Variants in RARB observed in about 807,000 individuals in gnomAD.
The protein encoded by RARB is HBV-activated protein.
RARB carries 17 observed loss-of-function variants against 51.9 expected under a neutral mutation model. That is an observed-to-expected ratio of 0.33 (90% CI 0.22 to 0.49). RARB has a LOEUF of 0.49. Ranked by LOEUF, RARB falls within the 20% of genes least tolerant of loss-of-function variation. The pLI is 0.99. For synonymous variants in RARB, 215 were observed against 195.4 expected, an observed-to-expected ratio of 1.10 and a Z score of -0.84; for missense variants, 369 against 550.8, an observed-to-expected ratio of 0.67 and a Z score of 3.30.
chr3:25,303,538 A>C (rs1654191774), intron 5 of RARB, among the ~76,000 whole-genome samples: 1 of 152,200 alleles, frequency 6.6e-6, no homozygotes, highest in East Asian at 1.9e-4. Flanking sequence ...ACGTTAGCTG[A>C]ATGTCTCTCT....
At chr3:25,448,353 T>G (rs1709042137) in intron 1 of RARB, among the ~76,000 whole-genome samples, 2 of 152,332 alleles carry the variant, frequency 1.3e-5, no homozygotes, top group South Asian at 2.1e-4. Context: ...TAAAGCACTT[T>G]GAAACTCTTA....
chr3:25,131,464 A>G (rs1417926834), intron 3 of RARB, among the ~76,000 whole-genome samples: 1 of 152,014 alleles, frequency 6.6e-6, no homozygotes, highest in Admixed American at 6.6e-5. Flanking sequence ...ATTGTTTGTG[A>G]AATGCCTTTT....
intron 3 of RARB, among the ~76,000 whole-genome samples, chr3:25,524,944 G>T (rs911140681): frequency 1.3e-5 from 2 of 151,958 alleles, no homozygotes; most frequent in African/African-American, 4.8e-5. Flanking sequence ...GGCCCGACTG[G>T]TCTCAAACTC....
chr3:24,870,788 G>A (rs1045072434), intron 2 of RARB, among the ~76,000 whole-genome samples: 6 of 151,972 alleles, frequency 3.9e-5, no homozygotes, highest in Non-Finnish European at 7.4e-5. Context: ...TATAGGATGC[G>A]TGCAATGTTT....
chr3:25,046,018 C>T (rs1231728621), intron 2 of RARB, among the ~76,000 whole-genome samples: 4 of 152,162 alleles, frequency 2.6e-5, no homozygotes, highest in Admixed American at 2.6e-4. Flanking sequence ...ATCTGTCATA[C>T]CCAGGGCATA....
intron 5 of RARB, among the ~76,000 whole-genome samples, chr3:25,316,521 G>T (rs1704429453): frequency 1.3e-5 from 2 of 152,076 alleles, no homozygotes; most frequent in African/African-American, 4.8e-5. Context: ...GTATAATTCA[G>T]ATATATCTAT....
At chr3:25,529,622 T>A (rs1166843684) in intron 3 of RARB, among the ~76,000 whole-genome samples, 1 of 152,144 alleles carries the variant, frequency 6.6e-6, no homozygotes. Context: ...AAACATGATA[T>A]GCTTTGTCTT....
intron 5 of RARB, among the ~76,000 whole-genome samples, chr3:25,341,109 C>T (rs969297504): frequency 6.6e-6 from 1 of 152,222 alleles, no homozygotes; most frequent in Non-Finnish European, 1.5e-5. Context: ...TCTACAGCTT[C>T]TTCTGTGTTG....
intron 1 of RARB, among the ~76,000 whole-genome samples, chr3:25,450,746 C>T (rs1483107143): frequency 1.3e-5 from 2 of 152,112 alleles, no homozygotes; most frequent in Non-Finnish European, 2.9e-5. Flanking sequence ...GAAATGTCTC[C>T]TGATGTTGCA....
intron 2 of RARB, among the ~76,000 whole-genome samples, chr3:24,984,013 T>G (rs1332797969): frequency 6.6e-6 from 1 of 152,230 alleles, no homozygotes; most frequent in Admixed American, 6.5e-5. Flanking sequence ...AATTCTAATT[T>G]AGGTTGTGAT....
intron 5 of RARB, among the ~76,000 whole-genome samples, chr3:25,286,235 C>T (rs942189505): frequency 6.6e-6 from 1 of 151,902 alleles, no homozygotes; most frequent in African/African-American, 2.4e-5. Context: ...ACTACAGGCG[C>T]CCGCCACCAT....
chr3:25,567,590 G>C (rs1700551498), intron 3 of RARB, among the ~76,000 whole-genome samples: 1 of 152,112 alleles, frequency 6.6e-6, no homozygotes, highest in South Asian at 2.1e-4. Flanking sequence ...ACTGCCGTGA[G>C]TCACACTGTC....
intron 5 of RARB, among the ~76,000 whole-genome samples, chr3:25,295,106 AG>A (rs1397200943): frequency 1.3e-5 from 2 of 152,216 alleles, no homozygotes; most frequent in Admixed American, 1.3e-4. Context: ...CATATGCTAG[AG>A]GGGCAACATG....
intron 2 of RARB, among the ~76,000 whole-genome samples, chr3:25,010,741 C>A: frequency 6.6e-6 from 1 of 152,148 alleles, no homozygotes; most frequent in South Asian, 2.1e-4. Flanking sequence ...GAGTCAAATC[C>A]TTCCAGCACT....
Position 25,291,364 on chromosome 3 carries a change from C to G in RARB, c.178+116789C>G, listed in dbSNP as rs113287461. 1.2e-3 allele frequency among the ~76,000 whole-genome samples: 178 copies of G among 152,052 alleles called. 1 individual carries two copies. Among genetic ancestry groups the G allele is most frequent in the African/African-American group, 4.0e-3 (165 of 41,472 alleles). ...TAATGGTCCCAAATAGAAAAATAAA[C>G]TTTTCTTTGTACTCATGTTTTCAAG... On this transcript the variant is annotated intron_variant, in intron 5 of 11. Transcript: ENST00000383772.
chr3:24,890,350 T>G (rs1703354307), intron 2 of RARB, among the ~76,000 whole-genome samples: 2 of 152,212 alleles, frequency 1.3e-5, no homozygotes, highest in African/African-American at 4.8e-5. Flanking sequence ...TTCTCTCTGT[T>G]ACTTATAGGA....
intron 5 of RARB, among the ~76,000 whole-genome samples, chr3:25,361,076 C>G (rs1402988217): frequency 3.3e-5 from 5 of 152,146 alleles, no homozygotes; most frequent in Non-Finnish European, 7.3e-5. Flanking sequence ...AGTGTGTTTT[C>G]CAATTTGATT....
At chr3:24,884,118 A>C (rs1703228284) in intron 2 of RARB, among the ~76,000 whole-genome samples, 1 of 152,206 alleles carries the variant, frequency 6.6e-6, no homozygotes, top group Non-Finnish European at 1.5e-5. Context: ...AAAATGTAAC[A>C]GCTCCAATAA....
chr3:25,260,156 G>C (rs375766581), intron 5 of RARB, among the ~76,000 whole-genome samples: 82 of 152,160 alleles, frequency 5.4e-4, no homozygotes, highest in African/African-American at 1.9e-3. Flanking sequence ...CCGGTGGGCA[G>C]TGTTCCCTGG....
Sources: gnomAD v4.1 joint callset for allele counts (sites outside exome capture counted in the v4.1 genomes callset) on GRCh38, gnomAD v4.1.1 for gene constraint, MANE v1.5 for transcripts, NCBI Gene and HGNC (gene_info 2026-07-23, HGNC 2026-07-21) for gene names.